Variants in SSBP3 observed in about 807,000 individuals in gnomAD.
SSBP3 encodes the protein single-stranded DNA-binding protein 3.
A neutral mutation model predicts 69.6 loss-of-function variants in SSBP3; 5 were observed. That is an observed-to-expected ratio of 0.07 (90% CI 0.04 to 0.15). The LOEUF (loss-of-function observed/expected upper bound fraction) is 0.15, where lower values mean the gene tolerates loss of function less well. Among genes scored for constraint, SSBP3 ranks in the 10% least tolerant of loss-of-function variants. The pLI is 1.00. For synonymous variants in SSBP3, 196 were observed against 193.4 expected (o/e 1.01, Z -0.11); for missense variants, 312 against 534.0 (o/e 0.58, Z 4.10).
Position 54,358,319 on chromosome 1 carries a change from C to A in SSBP3, c.276+43542G>T, listed in dbSNP as rs115048222. 1.2e-3 allele frequency among the ~76,000 whole-genome samples: 188 copies of A among 152,284 alleles called. 1 individual carries two copies. Among genetic ancestry groups the A allele is most frequent in the African/African-American group, 4.3e-3 (180 of 41,562 alleles). On this transcript the variant is annotated intron_variant, in intron 4 of 17. Coordinates refer to ENST00000610401, the Ensembl canonical transcript of SSBP3. ...GCAACAGACCCTCAGTATTTAGATA[C>A]GGTGGACTCTTGGGGGCTTATCAGG...
intron 7 of SSBP3, among the ~76,000 whole-genome samples, chr1:54,252,767 TG>T (rs977714159): frequency 2.0e-5 from 3 of 152,232 alleles, no homozygotes; most frequent in East Asian, 3.8e-4. Flanking sequence ...TAGGAGTTGC[TG>T]GGGGGAAGTT....
intron 4 of SSBP3, chr1:54,325,408 T>G (rs1454355319): frequency 7.2e-5 from 12 of 167,158 alleles, no homozygotes; most frequent in African/African-American, 2.9e-4. Context: ...CCAGCTCTTC[T>G]GGATCTACAG....
intron 5 of SSBP3, among the ~76,000 whole-genome samples, chr1:54,280,627 T>G (rs1032847978): frequency 6.6e-6 from 1 of 152,220 alleles, no homozygotes; most frequent in Non-Finnish European, 1.5e-5. Context: ...AAAAGTTCCT[T>G]ACAGCCCTGC....
chr1:54,267,010 A>G (rs1645113955), intron 5 of SSBP3, among the ~76,000 whole-genome samples: 1 of 152,232 alleles, frequency 6.6e-6, no homozygotes, highest in African/African-American at 2.4e-5. Context: ...GTTTGCCAGC[A>G]CAAATATTCT....
chr1:54,245,007 T>C (rs1438369635), intron 9 of SSBP3, among the ~76,000 whole-genome samples: 1 of 152,110 alleles, frequency 6.6e-6, no homozygotes, highest in Non-Finnish European at 1.5e-5. Context: ...CCCCACCCCA[T>C]GCACCCAGTG....
intron 4 of SSBP3, among the ~76,000 whole-genome samples, chr1:54,318,531 A>G (rs1223600557): frequency 6.6e-6 from 1 of 152,070 alleles, no homozygotes; most frequent in African/African-American, 2.4e-5. Context: ...CTATAGTTAC[A>G]CCAGTTCATC....
intron 14 of SSBP3, among the ~76,000 whole-genome samples, chr1:54,232,975 G>C (rs534380396): frequency 1.3e-5 from 2 of 152,260 alleles, no homozygotes; most frequent in South Asian, 2.1e-4. Context: ...CCAAAGTGCC[G>C]AGATTGCAGC....
intron 14 of SSBP3, 98 bp from the exon 15 acceptor site, chr1:54,228,924 G>A (rs1644334585): frequency 2.4e-6 from 3 of 1,274,746 alleles, no homozygotes; most frequent in Non-Finnish European, 1.1e-6. Flanking sequence ...CCTGGCCCTG[G>A]GGAACCCCTG....
intron 13 of SSBP3, 86 bp from the exon 14 acceptor site, chr1:54,239,285 T>C (rs1217257297): frequency 9.1e-7 from 1 of 1,101,684 alleles, no homozygotes; most frequent in Non-Finnish European, 1.3e-6. Context: ...CTCATTCTTT[T>C]GTATTTTATA....
intron 4 of SSBP3, among the ~76,000 whole-genome samples, chr1:54,362,651 C>A (rs897028517): frequency 2.0e-5 from 3 of 152,190 alleles, no homozygotes; most frequent in Admixed American, 1.3e-4. Flanking sequence ...TATAAGCTCC[C>A]GGCCTTGAAA....
intron 4 of SSBP3, among the ~76,000 whole-genome samples, chr1:54,293,005 A>T (rs1183287105): frequency 2.0e-5 from 3 of 151,994 alleles, no homozygotes; most frequent in Admixed American, 1.3e-4. Flanking sequence ...AGTAATACAG[A>T]GGGGATGAAG....
chr1:54,236,973 CTG>C (rs1158120584), intron 14 of SSBP3: 1 of 152,216 alleles, frequency 6.6e-6, no homozygotes, highest in Non-Finnish European at 1.5e-5. Context: ...CTCAAATTAA[CTG>C]TGTACTGTCT....
intron 4 of SSBP3, among the ~76,000 whole-genome samples, chr1:54,292,564 GACCC>G (rs1416248830): frequency 6.6e-6 from 1 of 152,054 alleles, no homozygotes; most frequent in African/African-American, 2.4e-5. Context: ...GCCCTCTGAG[GACCC>G]CTGCTGCCCT....
chr1:54,371,125 C>T (rs992657137), intron 4 of SSBP3, among the ~76,000 whole-genome samples: 2 of 152,216 alleles, frequency 1.3e-5, no homozygotes, highest in Non-Finnish European at 2.9e-5. Flanking sequence ...TCTCCAAACA[C>T]CCCAAAGCTA....
chr1:54,240,774 TG>T, intron 13 of SSBP3, 130 bp downstream of exon 13: 1 of 1,190,742 alleles, frequency 8.4e-7, no homozygotes, highest in Non-Finnish European at 1.2e-6. Flanking sequence ...AAATGCCCAG[TG>T]GAAGATGTGC....
chr1:54,358,246 T>C (rs1032357729), intron 4 of SSBP3, among the ~76,000 whole-genome samples: 1 of 152,196 alleles, frequency 6.6e-6, no homozygotes, highest in Non-Finnish European at 1.5e-5. Flanking sequence ...ACCTCTTAAC[T>C]GGCAACTCAA....
intron 4 of SSBP3, among the ~76,000 whole-genome samples, chr1:54,292,651 C>T (rs933394434): frequency 2.0e-5 from 3 of 152,190 alleles, no homozygotes; most frequent in Admixed American, 6.5e-5. Flanking sequence ...TGACCCTCAT[C>T]CCACCCCAAT....
At chr1:54,229,998 G>C (rs998234766) in intron 14 of SSBP3, among the ~76,000 whole-genome samples, 7 of 152,230 alleles carry the variant, frequency 4.6e-5, no homozygotes, top group African/African-American at 1.7e-4. Flanking sequence ...ACAAAATTGA[G>C]GGGTAAAATC....
At chr1:54,394,614 C>G (rs1648726180) in intron 4 of SSBP3, among the ~76,000 whole-genome samples, 1 of 151,956 alleles carries the variant, frequency 6.6e-6, no homozygotes. Context: ...GAAAAAGAAG[C>G]CAATGTGGCC....
Sources: gnomAD v4.1 joint callset for allele counts (sites outside exome capture counted in the v4.1 genomes callset) on GRCh38, gnomAD v4.1.1 for gene constraint, MANE v1.5 for transcripts, NCBI Gene and HGNC (gene_info 2026-07-23, HGNC 2026-07-21) for gene names.